Variants in MYO10 observed in about 807,000 individuals in gnomAD.
The protein encoded by MYO10 is unconventional myosin-X.
A neutral mutation model predicts 257.3 loss-of-function variants in MYO10; 133 were observed. That is an observed-to-expected ratio of 0.52 (90% CI 0.45 to 0.60). MYO10 has a LOEUF of 0.60. Ranked by LOEUF, MYO10 falls within the 20% of genes least tolerant of loss-of-function variation. The pLI, the probability that MYO10 is intolerant of heterozygous loss-of-function variation, is 0.00. For missense variants in MYO10, 2,399 were observed against 2,635.7 expected (o/e 0.91, Z 1.97); for synonymous variants, 1,104 against 1,028.6 (o/e 1.07, Z -1.40).
At chr5:16,687,899 G>A (rs1286831092) in intron 28 of MYO10, among the ~76,000 whole-genome samples, 1 of 152,096 alleles carries the variant, frequency 6.6e-6, no homozygotes, top group East Asian at 1.9e-4. Context: ...CAAATTTGTT[G>A]CACTTTCAAT....
At chr5:16,671,648 G>C in intron 37 of MYO10, 106 bp from the exon 38 acceptor site, 1 of 1,387,522 alleles carries the variant, frequency 7.2e-7, no homozygotes, top group Non-Finnish European at 9.9e-7. Flanking sequence ...CAGACATTCT[G>C]TCCGGGCCCA....
At chr5:16,764,819 G>T (rs931558377) in intron 11 of MYO10, among the ~76,000 whole-genome samples, 1 of 152,118 alleles carries the variant, frequency 6.6e-6, no homozygotes, top group Admixed American at 6.5e-5. Context: ...CCCCTGAGTA[G>T]CTGGGATTAC....
chr5:16,736,481 T>C (rs1739808663), intron 19 of MYO10, among the ~76,000 whole-genome samples: 1 of 152,216 alleles, frequency 6.6e-6, no homozygotes, highest in Non-Finnish European at 1.5e-5. Context: ...TGTTCCTGCA[T>C]GCTCACAGGC....
At chr5:16,735,685 GAA>G (rs767237097) in intron 19 of MYO10, among the ~76,000 whole-genome samples, 16 of 99,478 alleles carry the variant, frequency 1.6e-4, no homozygotes, top group African/African-American at 5.0e-4. Context: ...AGAGCCTCGG[GAA>G]AAAAAAAAAA....
intron 19 of MYO10, among the ~76,000 whole-genome samples, chr5:16,718,256 C>G (rs1232245771): frequency 1.3e-5 from 2 of 152,196 alleles, no homozygotes; most frequent in East Asian, 1.9e-4. Flanking sequence ...GGCTCCTGTG[C>G]GGCCGGAGCC....
chr5:16,794,812 C>T lies in MYO10; in HGVS notation c.301G>A (p.Ala101Thr). The T allele has an allele frequency of 1.9e-6, 3 of 1,563,496 alleles. No homozygotes were observed. The highest frequency in any genetic ancestry group is 2.6e-6 in the Non-Finnish European group (3 of 1,152,914). ...ATGGGCTGGTAGGGGTTCACGGAGG[C>T]CAGGATGGAGCCGATGTAGGTCTGC... ...QIYTYIGSIL[A>T]SVNPYQPIAG... Residue 101 changes from alanine (A) to threonine (T), a missense_variant, in exon 4 of 41, where the codon GCC (alanine) becomes ACC (threonine). Physicochemically the swap from Ala to Thr is moderately conservative, Grantham distance 58 (BLOSUM62 0). Transcript: ENST00000513610.
chr5:16,822,856 T>C (rs1742868976), intron 2 of MYO10, among the ~76,000 whole-genome samples: 1 of 151,688 alleles, frequency 6.6e-6, no homozygotes, highest in East Asian at 2.0e-4. Context: ...CCCGGCTAAT[T>C]TTTTGTATTT....
In MYO10 at chr5:16,666,893, C is replaced by T. The variant is rs569316602; in HGVS notation, c.6076-100G>A. The T allele has an allele frequency of 2.7e-5, 26 of 954,526 alleles. 1 individual carries two copies. The Admixed American group carries it at 5.9e-4, about 22-fold the overall frequency. The allele number at this position is 954,526 out of a possible 1,614,324, so 59.1% of individuals were successfully genotyped here. ...ACATTCCCTGGGCACCCTCCCGTAG[C>T]CTTCCATGCTAATCGACGGATCCCA... On this transcript the variant is annotated intron_variant, in intron 40 of 40. Coordinates refer to ENST00000513610, the MANE Select transcript of MYO10 (RefSeq NM_012334.3).
chr5:16,822,363 T>C (rs1742846492), intron 2 of MYO10, among the ~76,000 whole-genome samples: 1 of 152,192 alleles, frequency 6.6e-6, no homozygotes, highest in South Asian at 2.1e-4. Flanking sequence ...ATTGTTTGGC[T>C]GGTGTGTTCT....
chr5:16,827,819 C>T (rs1264726693), intron 2 of MYO10, among the ~76,000 whole-genome samples: 1 of 152,140 alleles, frequency 6.6e-6, no homozygotes, highest in South Asian at 2.1e-4. Flanking sequence ...ATGCATCAGA[C>T]ATTGCTAATG....
intron 1 of MYO10, among the ~76,000 whole-genome samples, chr5:16,923,955 T>C (rs186633911): frequency 1.4e-4 from 22 of 152,106 alleles, no homozygotes; most frequent in African/African-American, 3.4e-4. Context: ...CCAGGCAAGG[T>C]GGCACAGGCC....
chr5:16,700,751 T>G (rs1035325949), intron 25 of MYO10, among the ~76,000 whole-genome samples: 1 of 152,222 alleles, frequency 6.6e-6, no homozygotes, highest in Non-Finnish European at 1.5e-5. Flanking sequence ...GCTCTAGGCT[T>G]TGTGCTAAAA....
intron 5 of MYO10, among the ~76,000 whole-genome samples, chr5:16,782,668 A>AC (rs967514873): frequency 6.6e-6 from 1 of 152,138 alleles, no homozygotes; most frequent in Non-Finnish European, 1.5e-5. Context: ...TGGTTTGCCG[A>AC]CCCCTGGACA....
chr5:16,813,456 A>G (rs2126699752), intron 3 of MYO10, among the ~76,000 whole-genome samples: 1 of 152,010 alleles, frequency 6.6e-6, no homozygotes, highest in East Asian at 1.9e-4. Context: ...CTCAGGCGAG[A>G]GGATCACTGG....
In MYO10 at chr5:16,801,781, T is replaced by C. The variant is rs1742128097; in HGVS notation, c.280-6948A>G. Among the ~76,000 whole-genome samples, 4 of 151,922 alleles carry C rather than the reference T, an allele frequency of 2.6e-5. No homozygotes were observed. The South Asian group carries it at 8.3e-4, about 31-fold the overall frequency. On this transcript the variant is annotated intron_variant, in intron 3 of 40. Coordinates refer to ENST00000513610, the MANE Select transcript of MYO10 (RefSeq NM_012334.3). ...TCCTCCAAGCACTTTCTTATTCTTT[T>C]TTGCATATTGCCACTAACTCAAGGA...
At chr5:16,882,051 A>T (rs1170837001) in intron 1 of MYO10, among the ~76,000 whole-genome samples, 1 of 152,220 alleles carries the variant, frequency 6.6e-6, no homozygotes, top group Non-Finnish European at 1.5e-5. Flanking sequence ...TTTCTGAGAC[A>T]AATATGTGAG....
chr5:16,742,991 A>G (rs886210884), intron 19 of MYO10, among the ~76,000 whole-genome samples: 1 of 152,038 alleles, frequency 6.6e-6, no homozygotes, highest in African/African-American at 2.4e-5. Context: ...ATGGTGGTGC[A>G]TGCCTGTAAT....
intron 26 of MYO10, among the ~76,000 whole-genome samples, chr5:16,697,649 G>A (rs188232944): frequency 7.1e-4 from 107 of 150,376 alleles, no homozygotes; most frequent in African/African-American, 2.2e-3. Context: ...AGTGAGCCAC[G>A]ACTGTGCCAT....
chr5:16,920,227 T>C (rs757127423), intron 1 of MYO10, among the ~76,000 whole-genome samples: 2 of 152,216 alleles, frequency 1.3e-5, no homozygotes, highest in Admixed American at 6.5e-5. Context: ...TGAACCGACA[T>C]TGCGCCACTG....
Sources: gnomAD v4.1 joint callset for allele counts (sites outside exome capture counted in the v4.1 genomes callset) on GRCh38, gnomAD v4.1.1 for gene constraint, MANE v1.5 for transcripts, NCBI Gene and HGNC (gene_info 2026-07-23, HGNC 2026-07-21) for gene names.